CSMD1: variants seen among roughly 807,000 people sequenced by gnomAD.
CSMD1 encodes CUB and sushi domain-containing protein 1.
Under a neutral mutation model 417.5 loss-of-function variants are expected in CSMD1, and 213 were observed. The ratio of observed to expected loss-of-function variants is 0.51; its 90% CI spans 0.46 to 0.57. The LOEUF is 0.57. Among genes scored for constraint, CSMD1 ranks in the 20% least tolerant of loss-of-function variants. The probability of loss-of-function intolerance (pLI) is 0.00; values close to 1 mark genes in which losing one functional copy is unlikely to be tolerated. For missense variants in CSMD1, 6,923 were observed against 4,529.7 expected (o/e 1.53, Z -15.17); for synonymous variants, 2,862 against 1,736.8 (o/e 1.65, Z -16.11).
At chr8:4,475,958 TTGTC>T (rs879462100) in intron 2 of CSMD1, among the ~76,000 whole-genome samples, 6 of 152,308 alleles carry the variant, frequency 3.9e-5, no homozygotes, top group Non-Finnish European at 5.9e-5. Context: ...TTTCATTTTG[TTGTC>T]TGTATTTTTG....
At chr8:3,560,211 G>A (rs1459497334) in intron 10 of CSMD1, among the ~76,000 whole-genome samples, 6 of 152,074 alleles carry the variant, frequency 3.9e-5, no homozygotes, top group Admixed American at 3.9e-4. Context: ...GAAATTCAAG[G>A]TCCAAAGAAG....
intron 1 of CSMD1, among the ~76,000 whole-genome samples, chr8:4,946,017 C>A (rs528988608): frequency 8.5e-5 from 13 of 152,280 alleles, no homozygotes; most frequent in African/African-American, 2.9e-4. Flanking sequence ...CCAGTGGGCT[C>A]TTGTGAACAT....
In CSMD1 at chr8:4,864,875, T is replaced by TACACACACACAC. The variant is rs35135942; in HGVS notation, c.85+129445_85+129456dup. ...ATATCACTGAAATATTGGATTCTAC[T>TACACACACACAC]ACACACACACACACACACACAAACA... On this transcript the variant is annotated intron_variant, in intron 1 of 69. Coordinates refer to ENST00000635120, the MANE Select transcript of CSMD1 (RefSeq NM_033225.6). Among the ~76,000 whole-genome samples the TACACACACACAC allele has an allele frequency of 6.1e-3, 893 of 146,976 alleles. 14 individuals are homozygous for TACACACACACAC. The highest frequency in any genetic ancestry group is 0.032 in the South Asian group (151 of 4,650).
At chr8:3,108,544 C>A in intron 44 of CSMD1, 59 bp downstream of exon 44, 1 of 1,563,010 alleles carries the variant, frequency 6.4e-7, no homozygotes, top group Non-Finnish European at 8.8e-7. Flanking sequence ...TGGGACAACA[C>A]TGCAGGAAAC....
At chr8:4,887,591 C>T (rs1803836137) in intron 1 of CSMD1, among the ~76,000 whole-genome samples, 1 of 151,898 alleles carries the variant, frequency 6.6e-6, no homozygotes, top group South Asian at 2.1e-4. Context: ...TTATTTTAAT[C>T]TATTTCTGCT....
intron 41 of CSMD1, among the ~76,000 whole-genome samples, chr8:3,131,672 A>T (rs1817802285): frequency 6.6e-6 from 1 of 151,998 alleles, no homozygotes; most frequent in African/African-American, 2.4e-5. Context: ...GGGTTTTGCC[A>T]TGTTGGTCAG....
chr8:4,286,246 C>A (rs559957516), intron 3 of CSMD1, among the ~76,000 whole-genome samples: 1 of 152,286 alleles, frequency 6.6e-6, no homozygotes, highest in South Asian at 2.1e-4. Flanking sequence ...TTGCGTCTCT[C>A]CGCCATGCTC....
intron 1 of CSMD1, among the ~76,000 whole-genome samples, chr8:4,944,325 A>G (rs1295978547): frequency 6.6e-6 from 1 of 152,252 alleles, no homozygotes; most frequent in African/African-American, 2.4e-5. Flanking sequence ...GACCAAGAGA[A>G]GAAAGCTAGT....
intron 3 of CSMD1, among the ~76,000 whole-genome samples, chr8:4,353,590 G>C (rs868577629): frequency 6.6e-6 from 1 of 151,688 alleles, no homozygotes; most frequent in African/African-American, 2.4e-5. Context: ...AGCATATCCT[G>C]AAGCACATGC....
At chr8:4,563,872 G>C (rs41470346) in intron 2 of CSMD1, among the ~76,000 whole-genome samples, 1 of 152,000 alleles carries the variant, frequency 6.6e-6, no homozygotes, top group Non-Finnish European at 1.5e-5. Flanking sequence ...TTGGAGTTGC[G>C]AAGTAACAAA....
At chr8:4,039,642 T>A (rs1177528130) in intron 3 of CSMD1, among the ~76,000 whole-genome samples, 1 of 152,138 alleles carries the variant, frequency 6.6e-6, no homozygotes, top group African/African-American at 2.4e-5. Context: ...AAGGACCTCA[T>A]GGGACGTAAT....
Position 4,667,852 on chromosome 8 carries a change from T to A in CSMD1, c.86-30294A>T, listed in dbSNP as rs181968932. ...CAATTTGTAAACCTTTTATAGCTTT[T>A]TCTAGCCTTAATGCACGGCTAAAAC... On this transcript the variant is annotated intron_variant, in intron 1 of 69. Transcript: ENST00000635120. Among the ~76,000 whole-genome samples, 587 of 152,330 alleles carry A rather than the reference T, an allele frequency of 3.9e-3. 6 individuals are homozygous for A. Among genetic ancestry groups the A allele is most frequent in the African/African-American group, 0.013 (529 of 41,574 alleles).
At chr8:4,180,443 G>A (rs939079265) in intron 3 of CSMD1, among the ~76,000 whole-genome samples, 1 of 121,256 alleles carries the variant, frequency 8.2e-6, no homozygotes, top group Admixed American at 9.7e-5. Flanking sequence ...GGGGGGAGGG[G>A]GGAGGGATAG....
At chr8:4,755,517 C>G (rs972078131) in intron 1 of CSMD1, among the ~76,000 whole-genome samples, 1 of 152,086 alleles carries the variant, frequency 6.6e-6, no homozygotes, top group Non-Finnish European at 1.5e-5. Flanking sequence ...ATGTTTCCTG[C>G]TTTCAACTCT....
At position 4,621,589 on chromosome 8, in the gene CSMD1, G is replaced by T. The variant is rs979123488; in HGVS notation, c.302+15753C>A. On this transcript the variant is annotated intron_variant, in intron 2 of 69. Coordinates refer to ENST00000635120, the MANE Select transcript of CSMD1 (RefSeq NM_033225.6). ...TTTCTAAAAGAAAACTCCAGGAGCAGATTTTTCTGTCTTAAATTTTATCTA... is the reference window on the plus strand; with the variant it reads ...TTTCTAAAAGAAAACTCCAGGAGCATATTTTTCTGTCTTAAATTTTATCTA... Among the ~76,000 whole-genome samples, 3 of 152,006 alleles carry T rather than the reference G, an allele frequency of 2.0e-5. No individual in the cohort carries two copies. In the East Asian group the frequency reaches 5.8e-4, roughly 29 times the overall value.
Position 4,296,696 on chromosome 8 carries a change from GTTTTTT to G in CSMD1, c.415+123251_415+123256del, listed in dbSNP as rs371696159. 1.5e-3 allele frequency among the ~76,000 whole-genome samples: 177 copies of G among 114,860 alleles called. 1 individual carries two copies. The highest frequency in any genetic ancestry group is 3.3e-3 in the Admixed American group (32 of 9,744). 75.4% of individuals were successfully genotyped at this position (114,860 alleles called of 152,430 possible). ...GGTCCCTGAAAACACGAAAATAAGG[GTTTTTT>G]TTTTTTTTTTTTTCTCCAGGGCTTA... On this transcript the variant is annotated intron_variant, in intron 3 of 69. Coordinates refer to ENST00000635120, the MANE Select transcript of CSMD1 (RefSeq NM_033225.6).
chr8:3,487,573 T>C (rs1382455362), intron 11 of CSMD1, among the ~76,000 whole-genome samples: 1 of 152,222 alleles, frequency 6.6e-6, no homozygotes, highest in Non-Finnish European at 1.5e-5. Flanking sequence ...AAGGAGGGTA[T>C]TCTACATCCA....
chr8:3,472,553 G>A (rs758444505), intron 11 of CSMD1, among the ~76,000 whole-genome samples: 1 of 151,940 alleles, frequency 6.6e-6, no homozygotes, highest in Non-Finnish European at 1.5e-5. Context: ...GTGTGCACAA[G>A]AAAGATGATG....
intron 3 of CSMD1, among the ~76,000 whole-genome samples, chr8:4,115,238 C>G (rs1250136875): frequency 6.6e-6 from 1 of 152,198 alleles, no homozygotes; most frequent in Admixed American, 6.5e-5. Context: ...GAGGCAAGAG[C>G]TTCCAGTAGC....
Sources: allele counts gnomAD v4.1 joint callset (sites outside exome capture counted in the v4.1 genomes callset), GRCh38; gene constraint gnomAD v4.1.1; transcripts MANE v1.5; gene names NCBI Gene and HGNC (gene_info 2026-07-23, HGNC 2026-07-21).